Variants in KCNIP4 observed in about 807,000 individuals in gnomAD.
KCNIP4 encodes the protein Kv channel-interacting protein 4.
Under a neutral mutation model 34.0 loss-of-function variants are expected in KCNIP4, and 12 were observed. That is an observed-to-expected ratio of 0.35 (90% CI 0.23 to 0.57). The LOEUF is 0.57. KCNIP4 is among the 20% of genes least tolerant of loss of function. The pLI, the probability that KCNIP4 is intolerant of heterozygous loss-of-function variation, is 0.83. For synonymous variants in KCNIP4, 124 were observed against 102.2 expected, an observed-to-expected ratio of 1.21 and a Z score of -1.29; for missense variants, 238 against 311.7, an observed-to-expected ratio of 0.76 and a Z score of 1.78.
Position 21,865,447 on chromosome 4 carries a change from G to A in KCNIP4, c.61+83124C>T, listed in dbSNP as rs560942165. Among the ~76,000 whole-genome samples the A allele has an allele frequency of 3.9e-5, 6 of 152,082 alleles. No homozygotes were observed. In the East Asian group the frequency reaches 1.2e-3, roughly 29 times the overall value. On this transcript the variant is annotated intron_variant, in intron 1 of 8. Coordinates refer to ENST00000382152, the MANE Select transcript of KCNIP4 (RefSeq NM_025221.6). ...AGGAAAGGAAAAAGGAAAAGTACAAGGAAAAAGAAATCAGCCTGACTCATA... is the reference window on the plus strand; with the variant it reads ...AGGAAAGGAAAAAGGAAAAGTACAAAGAAAAAGAAATCAGCCTGACTCATA...
chr4:21,809,549 C>T (rs1321464832), intron 1 of KCNIP4, among the ~76,000 whole-genome samples: 2 of 152,094 alleles, frequency 1.3e-5, no homozygotes, highest in Non-Finnish European at 2.9e-5. Flanking sequence ...CATATGTTCA[C>T]CTAAAACATG....
intron 1 of KCNIP4, among the ~76,000 whole-genome samples, chr4:21,812,219 T>A (rs938123031): frequency 2.0e-5 from 3 of 152,258 alleles, no homozygotes; most frequent in African/African-American, 7.2e-5. Flanking sequence ...AGATGAATAC[T>A]ATTAACTGGA....
intron 1 of KCNIP4, among the ~76,000 whole-genome samples, chr4:21,817,801 C>T (rs534285681): frequency 2.0e-5 from 3 of 152,212 alleles, no homozygotes; most frequent in African/African-American, 7.2e-5. Flanking sequence ...TCTCTGCTCT[C>T]GAACCCTGTT....
intron 1 of KCNIP4, among the ~76,000 whole-genome samples, chr4:21,043,398 C>A (rs1053958162): frequency 1.3e-5 from 2 of 152,150 alleles, no homozygotes; most frequent in African/African-American, 4.8e-5. Context: ...GGTGCGATCT[C>A]AACACACTGC....
intron 1 of KCNIP4, among the ~76,000 whole-genome samples, chr4:21,904,408 ATG>A (rs1283295796): frequency 6.6e-6 from 1 of 152,216 alleles, no homozygotes; most frequent in Non-Finnish European, 1.5e-5. Flanking sequence ...CTTACAGTGT[ATG>A]TGACAGGATC....
chr4:21,510,414 G>A (rs1464202190), intron 1 of KCNIP4, among the ~76,000 whole-genome samples: 1 of 152,028 alleles, frequency 6.6e-6, no homozygotes, highest in Non-Finnish European at 1.5e-5. Flanking sequence ...CATAAAACAA[G>A]ATACTTGTAC....
intron 1 of KCNIP4, among the ~76,000 whole-genome samples, chr4:21,551,673 A>C (rs905111726): frequency 4.6e-5 from 7 of 151,924 alleles, no homozygotes; most frequent in African/African-American, 7.3e-5. Context: ...GCACATTATA[A>C]TTTTTCATGA....
intron 1 of KCNIP4, among the ~76,000 whole-genome samples, chr4:21,158,178 A>T (rs543654390): frequency 1.3e-5 from 2 of 152,274 alleles, no homozygotes; most frequent in Admixed American, 1.3e-4. Flanking sequence ...AATTTCTCAC[A>T]AGGAATGTTC....
chr4:20,944,086 T>C (rs1198634417), intron 1 of KCNIP4, among the ~76,000 whole-genome samples: 1 of 152,190 alleles, frequency 6.6e-6, no homozygotes, highest in East Asian at 1.9e-4. Context: ...ACCTAGTTCA[T>C]TGGGTGATTA....
intron 1 of KCNIP4, among the ~76,000 whole-genome samples, chr4:21,853,890 T>C (rs966891960): frequency 1.3e-5 from 2 of 152,228 alleles, no homozygotes. Context: ...TGGGGTCATG[T>C]GCCATCCATG....
chr4:21,117,935 C>T (rs2109124885), intron 1 of KCNIP4, among the ~76,000 whole-genome samples: 1 of 152,240 alleles, frequency 6.6e-6, no homozygotes, highest in Middle Eastern at 3.4e-3. Flanking sequence ...CTAGACAAAA[C>T]TATAAATACT....
At chr4:21,381,504 C>A (rs557355100) in intron 1 of KCNIP4, among the ~76,000 whole-genome samples, 96 of 152,190 alleles carry the variant, frequency 6.3e-4, no homozygotes, top group African/African-American at 2.3e-3. Flanking sequence ...AGCATTACTC[C>A]CACCCAAATC....
chr4:21,178,272 C>CT (rs1322197498), intron 1 of KCNIP4, among the ~76,000 whole-genome samples: 5 of 152,296 alleles, frequency 3.3e-5, no homozygotes, highest in African/African-American at 1.2e-4. Flanking sequence ...AGAAAATATG[C>CT]TTGAAAGTCA....
chr4:21,631,648 T>C (rs1222257071), intron 1 of KCNIP4, among the ~76,000 whole-genome samples: 1 of 152,146 alleles, frequency 6.6e-6, no homozygotes, highest in Non-Finnish European at 1.5e-5. Context: ...AAACACCTCC[T>C]CAATCTGGGT....
At chr4:21,065,708 T>C (rs917225561) in intron 1 of KCNIP4, among the ~76,000 whole-genome samples, 4 of 135,708 alleles carry the variant, frequency 2.9e-5, no homozygotes, top group Admixed American at 1.6e-4. Flanking sequence ...CATTATATCA[T>C]AGATTGGTAT....
intron 1 of KCNIP4, among the ~76,000 whole-genome samples, chr4:21,185,430 T>C (rs1755143242): frequency 6.6e-6 from 1 of 151,828 alleles, no homozygotes; most frequent in East Asian, 1.9e-4. Context: ...CTCTGTCCTC[T>C]TCCTCTTCTT....
intron 5 of KCNIP4, among the ~76,000 whole-genome samples, chr4:20,745,137 C>T (rs1033095491): frequency 1.3e-5 from 2 of 152,168 alleles, no homozygotes; most frequent in Non-Finnish European, 2.9e-5. Context: ...CTTCTTGCAG[C>T]CCTACAGGGT....
At chr4:20,872,667 A>G (rs1406566157) in intron 2 of KCNIP4, among the ~76,000 whole-genome samples, 1 of 152,180 alleles carries the variant, frequency 6.6e-6, no homozygotes, top group African/African-American at 2.4e-5. Context: ...CTTGGTTACC[A>G]TTATGAAAAT....
chr4:21,157,993 A>T (rs1270993468), intron 1 of KCNIP4, among the ~76,000 whole-genome samples: 1 of 152,106 alleles, frequency 6.6e-6, no homozygotes. Context: ...AAGAAGGGAC[A>T]TAACTACAAA....
Sources: gnomAD v4.1 joint callset for allele counts (sites outside exome capture counted in the v4.1 genomes callset) on GRCh38, gnomAD v4.1.1 for gene constraint, MANE v1.5 for transcripts, NCBI Gene and HGNC (gene_info 2026-07-23, HGNC 2026-07-21) for gene names.